The following ZFAND6 variants were observed in gnomAD, a reference collection of about 807,000 sequenced individuals.
The protein encoded by ZFAND6 is AN1-type zinc finger protein 6.
ZFAND6 carries 12 observed loss-of-function variants against 24.5 expected under a neutral mutation model. That is an observed-to-expected ratio of 0.49 (90% CI 0.31 to 0.79). The LOEUF (loss-of-function observed/expected upper bound fraction) is 0.79. Among genes scored for constraint, ZFAND6 ranks in the 30% least tolerant of loss-of-function variants. The probability of loss-of-function intolerance (pLI) is 0.04; values close to 1 mark genes in which losing one functional copy is unlikely to be tolerated. For missense variants in ZFAND6, 207 were observed against 245.9 expected, an observed-to-expected ratio of 0.84 and a Z score of 1.06; for synonymous variants, 92 against 81.5, an observed-to-expected ratio of 1.13 and a Z score of -0.69.
At chr15:80,097,979 GCTC>G (rs1253986133) in intron 1 of ZFAND6, among the ~76,000 whole-genome samples, 9 of 152,104 alleles carry the variant, frequency 5.9e-5, no homozygotes, top group Non-Finnish European at 1.2e-4. Flanking sequence ...CAGCAACATG[GCTC>G]CTCCTGCTGT....
intron 1 of ZFAND6, among the ~76,000 whole-genome samples, chr15:80,074,372 T>C (rs2037147176): frequency 6.6e-6 from 1 of 151,874 alleles, no homozygotes; most frequent in Non-Finnish European, 1.5e-5. Flanking sequence ...TCAGGCTGGC[T>C]TTTCTTTTTC....
At chr15:80,107,183 C>T (rs1425082612) in intron 2 of ZFAND6, among the ~76,000 whole-genome samples, 2 of 152,084 alleles carry the variant, frequency 1.3e-5, no homozygotes, top group Non-Finnish European at 2.9e-5. Context: ...CCACTGCGCT[C>T]CAGCCTGTGC....
chr15:80,127,364 G>A (rs928440639), intron 5 of ZFAND6, among the ~76,000 whole-genome samples: 9 of 151,988 alleles, frequency 5.9e-5, no homozygotes, highest in Non-Finnish European at 1.3e-4. Flanking sequence ...GAGGCGGGCG[G>A]ATCACCTTAA....
intron 5 of ZFAND6, chr15:80,130,526 A>C (rs2040552473): frequency 6.6e-6 from 1 of 152,228 alleles, no homozygotes; most frequent in Non-Finnish European, 1.5e-5. Flanking sequence ...GGGCTAGAGT[A>C]GTTAGCAACT....
intron 5 of ZFAND6, among the ~76,000 whole-genome samples, chr15:80,126,606 G>A (rs778072574): frequency 8.5e-5 from 13 of 152,152 alleles, no homozygotes; most frequent in Non-Finnish European, 1.6e-4. Flanking sequence ...AGAATGAATT[G>A]GACTCCTATG....
rs1596329844 is a variant in ZFAND6 at position 80,138,101 on chromosome 15, G to A, written c.*473G>A. 6.5e-6 allele frequency: 1 copy of A among 152,894 alleles called. No individual in the cohort carries two copies. The highest frequency in any genetic ancestry group is 2.4e-5 in the African/African-American group (1 of 41,428). The allele number at this position is 152,894 out of a possible 1,614,324, so 9.5% of individuals were successfully genotyped here. A position where few individuals can be genotyped will look rare whatever the true frequency, so the allele number is the denominator to read the frequency against. On this transcript the variant is annotated 3_prime_UTR_variant, in exon 7 of 7. Transcript: ENST00000261749. The stretch of plus-strand genomic sequence containing the variant: ...CTGCTTCTGTTTTTTCATTAACAAA[G>A]GTTATTCATATGTTAGCATATAGTT...
intron 5 of ZFAND6, chr15:80,123,066 T>TA (rs1333164674): frequency 6.6e-6 from 2 of 303,410 alleles, no homozygotes; most frequent in South Asian, 4.9e-5. Flanking sequence ...GTGGCAGTGT[T>TA]ACACTGTTCT....
chr15:80,133,195 T>G (rs897023794), intron 6 of ZFAND6, among the ~76,000 whole-genome samples: 11 of 93,554 alleles, frequency 1.2e-4, no homozygotes, highest in African/African-American at 2.3e-4. Flanking sequence ...TTTGTTTGTT[T>G]TTTGTTTTTT....
chr15:80,090,157 G>A (rs576840222), intron 1 of ZFAND6, among the ~76,000 whole-genome samples: 101 of 152,152 alleles, frequency 6.6e-4, no homozygotes, highest in South Asian at 2.7e-3. Flanking sequence ...TTCAGCTTAC[G>A]TAGCTATTAA....
At chr15:80,133,802 T>A (rs1198445508) in intron 6 of ZFAND6, among the ~76,000 whole-genome samples, 1 of 152,134 alleles carries the variant, frequency 6.6e-6, no homozygotes, top group Non-Finnish European at 1.5e-5. Context: ...AGAACTGCCA[T>A]TACCTATAAA....
At chr15:80,127,589 CAAAAAAAAAAAAAAA>C (rs55872915) in intron 5 of ZFAND6, among the ~76,000 whole-genome samples, 1 of 120,074 alleles carries the variant, frequency 8.3e-6, no homozygotes, top group Non-Finnish European at 1.7e-5. Flanking sequence ...AACTCCATCT[CAAAAAAAAAAAAAAA>C]AAAAAAAAAA....
intron 1 of ZFAND6, among the ~76,000 whole-genome samples, chr15:80,070,129 GTATA>G (rs1198989738): frequency 6.6e-6 from 1 of 152,166 alleles, no homozygotes; most frequent in Non-Finnish European, 1.5e-5. Context: ...GCCCTGTTCT[GTATA>G]TATTCTGCCA....
chr15:80,124,415 A>G (rs1367761970), intron 5 of ZFAND6, among the ~76,000 whole-genome samples: 2 of 152,120 alleles, frequency 1.3e-5, no homozygotes, highest in African/African-American at 4.8e-5. Context: ...CCTGGGCAAC[A>G]GAGCGAGACT....
intron 2 of ZFAND6, among the ~76,000 whole-genome samples, chr15:80,113,673 A>G (rs1423042592): frequency 6.6e-6 from 1 of 152,142 alleles, no homozygotes; most frequent in African/African-American, 2.4e-5. Flanking sequence ...CCTGACATGA[A>G]TACTTGTGAC....
Position 80,129,259 on chromosome 15 carries a change from G to A in ZFAND6, c.365-1921G>A, listed in dbSNP as rs142317791. 7.4e-3 allele frequency among the ~76,000 whole-genome samples: 1,124 copies of A among 152,306 alleles called. 9 individuals are homozygous for A. The highest frequency in any genetic ancestry group is 0.021 in the African/African-American group (892 of 41,562). On this transcript the variant is annotated intron_variant, in intron 5 of 6. Transcript: ENST00000261749. The stretch of plus-strand genomic sequence containing the variant: ...GTGTCTATATTCTGTTTCAAAAATA[G>A]TATGTTCACAGTATTATTAATAGAA...
At chr15:80,112,853 AG>A in intron 2 of ZFAND6, 1 of 456,140 alleles carries the variant, frequency 2.2e-6, no homozygotes, top group Non-Finnish European at 4.4e-6. Context: ...ATGCCAAGTT[AG>A]GTAATTCCTC....
At chr15:80,094,716 A>G (rs2038610616) in intron 1 of ZFAND6, among the ~76,000 whole-genome samples, 1 of 152,140 alleles carries the variant, frequency 6.6e-6, no homozygotes, top group South Asian at 2.1e-4. Flanking sequence ...ACAGTTATTA[A>G]ATTAAGGAAA....
chr15:80,092,284 C>T (rs867647661), intron 1 of ZFAND6, among the ~76,000 whole-genome samples: 2 of 139,546 alleles, frequency 1.4e-5, no homozygotes, highest in Non-Finnish European at 3.0e-5. Context: ...CCCAGGAGTT[C>T]GAGACAAGCC....
chr15:80,118,044 GT>G (rs1405755972), intron 2 of ZFAND6, among the ~76,000 whole-genome samples: 2 of 150,094 alleles, frequency 1.3e-5, no homozygotes, highest in Non-Finnish European at 3.0e-5. Context: ...GTATATGTAT[GT>G]ATATACATAT....
Sources: gnomAD v4.1 joint callset for allele counts (sites outside exome capture counted in the v4.1 genomes callset) on GRCh38, gnomAD v4.1.1 for gene constraint, MANE v1.5 for transcripts, NCBI Gene and HGNC (gene_info 2026-07-23, HGNC 2026-07-21) for gene names.